The following VRTN variants were observed in gnomAD, a reference collection of about 807,000 sequenced individuals.
The protein encoded by VRTN is vertebrae development associated, also known as vertnin.
In VRTN, 5 loss-of-function variants were observed where a neutral mutation model predicts 18.2. The observed-to-expected ratio is 0.27, with a 90% CI of 0.14 to 0.58. The LOEUF (loss-of-function observed/expected upper bound fraction) is 0.58, where lower values mean the gene tolerates loss of function less well. Among genes scored for constraint, VRTN ranks in the 20% least tolerant of loss-of-function variants. The pLI, the probability that VRTN is intolerant of heterozygous loss-of-function variation, is 0.91. For missense variants in VRTN, 741 were observed against 939.4 expected (o/e 0.79, Z 2.76); for synonymous variants, 381 against 393.7 (o/e 0.97, Z 0.38).
rs1474503251 is a variant in VRTN at position 74,357,921 on chromosome 14, G to C, written c.1138G>C (p.Glu380Gln). ...GMEELEKLPEEQVAEEELECS... is the reference protein window; with the variant it reads ...GMEELEKLPEQQVAEEELECS... ...GGAGGAGCTAGAGAAGCTGCCGGAG[G>C]AGCAGGTGGCTGAGGAGGAGCTGGA... The change falls in exon 2 of 2, where the codon GAG becomes CAG. Residue 380 changes from glutamate (E) to glutamine (Q), a missense_variant. Glu to Gln is a conservative substitution (Grantham distance 29). This residue lies in a region of VRTN where 494 missense variants were observed against 546.5 expected (regional missense o/e 0.90). Transcript: ENST00000256362. This position sits in a 1 kb window ranked among gnomAD's most constrained non-coding sequence, Gnocchi z 7.8. The C allele has an allele frequency of 6.2e-7, 1 of 1,614,092 alleles. No homozygotes were observed. The highest frequency in any genetic ancestry group is 8.5e-7 in the Non-Finnish European group (1 of 1,180,048).
At chr14:74,310,371 T>C (rs2085379569) in intron 1 of VRTN, among the ~76,000 whole-genome samples, 1 of 130,084 alleles carries the variant, frequency 7.7e-6, no homozygotes, top group South Asian at 2.4e-4. Flanking sequence ...CACTCCAGCC[T>C]GGGCAACAAA....
At position 74,331,219 on chromosome 14, in the gene VRTN, T is replaced by C. The variant is rs112098000; in HGVS notation, c.-163-6504T>C. Among the ~76,000 whole-genome samples, 1,031 of 144,146 alleles carry C rather than the reference T, an allele frequency of 7.2e-3. 11 individuals are homozygous for C. Among genetic ancestry groups the C allele is most frequent in the African/African-American group, 0.022 (869 of 39,486 alleles). The allele number at this position is 144,146 out of a possible 152,430, so 94.6% of individuals were successfully genotyped here. On this transcript the variant is annotated intron_variant, in intron 1 of 2. Coordinates refer to the VRTN transcript ENST00000557177. ...TCCGTCTCAAAAATAAATAAATAAA[T>C]AAACAAACAAACAAACCACAAGTCT...
intron 1 of VRTN, among the ~76,000 whole-genome samples, chr14:74,320,249 C>CT (rs71115982): frequency 0.079 from 5,742 of 72,794 alleles, 1,469 homozygotes; most frequent in East Asian, 0.4. Flanking sequence ...GATCCCATCC[C>CT]TTTTTTTTTT....
intron 2 of VRTN, among the ~76,000 whole-genome samples, chr14:74,341,182 A>T (rs1472946360): frequency 6.6e-6 from 1 of 152,226 alleles, no homozygotes; most frequent in East Asian, 1.9e-4. Context: ...TGAGCATTTC[A>T]TTATTAGACC....
At chr14:74,347,668 C>T (rs897354642), upstream of VRTN, among the ~76,000 whole-genome samples, 8 of 152,244 alleles carry the variant, frequency 5.3e-5, no homozygotes, top group Non-Finnish European at 1.0e-4. Context: ...CTGAGGCCTT[C>T]ACCTCCCCCA....
At chr14:74,342,008 C>A (rs1188508071) in intron 2 of VRTN, among the ~76,000 whole-genome samples, 1 of 152,072 alleles carries the variant, frequency 6.6e-6, no homozygotes, top group Non-Finnish European at 1.5e-5. Context: ...GACATCTCAT[C>A]TTGACAGTTT....
At chr14:74,332,261 G>GCTTTCA (rs1418760894) in intron 1 of VRTN, among the ~76,000 whole-genome samples, 1 of 147,880 alleles carries the variant, frequency 6.8e-6, no homozygotes, top group Non-Finnish European at 1.5e-5. Context: ...TGCTTACCTG[G>GCTTTCA]CTTTCACACC....
chr14:74,353,006 T>G (rs2085696781), intron 1 of VRTN, among the ~76,000 whole-genome samples: 1 of 152,064 alleles, frequency 6.6e-6, no homozygotes, highest in Admixed American at 6.6e-5. Flanking sequence ...AAAGAGCATC[T>G]GGGGCCAGGC....
In VRTN at chr14:74,358,606, C is replaced by T; in HGVS notation, c.1823C>T (p.Ala608Val). Residue 608 changes from alanine to valine, a missense_variant, in exon 2 of 2, where the codon GCC becomes GTC. By Grantham distance (64) the Ala-to-Val change is moderately conservative (BLOSUM62 0). This residue lies in a region of VRTN where 494 missense variants were observed against 546.5 expected (regional missense o/e 0.90). Transcript: ENST00000256362. The surrounding 1 kb of genome is among the most constrained non-coding windows in gnomAD (Gnocchi z 5.4). ...GAGGGAGGGCCTTCCAGAGAGGGGG[C>T]CCTGCAGGAGGGGGCCACAGCCCAG... ...DVEGGPSREGALQEGATAQGQ... is the reference protein window; with the variant it reads ...DVEGGPSREGVLQEGATAQGQ... 6.3e-7 allele frequency: 1 copy of T among 1,599,600 alleles called. No individual in the cohort carries two copies. The highest frequency in any genetic ancestry group is 2.2e-5 in the East Asian group (1 of 44,764).
At chr14:74,316,915 G>A (rs1327768352) in intron 1 of VRTN, among the ~76,000 whole-genome samples, 5 of 152,058 alleles carry the variant, frequency 3.3e-5, no homozygotes, top group African/African-American at 1.2e-4. Flanking sequence ...GGGATTACAG[G>A]TGTGAGTCAC....
At chr14:74,356,697 A>G in intron 1 of VRTN, 86 bp from the exon 2 acceptor site, 1 of 1,466,296 alleles carries the variant, frequency 6.8e-7, no homozygotes, top group Non-Finnish European at 9.0e-7. Context: ...TTTGGGAGAA[A>G]GTGCAGGAGT....
intron 1 of VRTN, among the ~76,000 whole-genome samples, chr14:74,331,364 C>T (rs1010999647): frequency 3.3e-5 from 5 of 150,102 alleles, no homozygotes; most frequent in Non-Finnish European, 5.9e-5. Context: ...TCTGTCTCTA[C>T]TAAAAACAGA....
intron 1 of VRTN, among the ~76,000 whole-genome samples, chr14:74,350,732 C>T (rs187644343): frequency 2.0e-5 from 3 of 152,222 alleles, no homozygotes; most frequent in African/African-American, 2.4e-5. Flanking sequence ...GGTGTGAACT[C>T]GGACTAGGGA....
At chr14:74,338,031 C>T (rs1164659067) in intron 2 of VRTN, 6 of 152,048 alleles carry the variant, frequency 3.9e-5, no homozygotes, top group African/African-American at 1.4e-4. Flanking sequence ...AAATGAACTC[C>T]TGATCCAAAA....
intron 1 of VRTN, among the ~76,000 whole-genome samples, chr14:74,306,960 C>T (rs2085356565): frequency 1.3e-5 from 2 of 151,862 alleles, no homozygotes; most frequent in Admixed American, 6.6e-5. Flanking sequence ...AAATATTGTC[C>T]TCCAAGCTAT....
rs2085525372 is a variant in VRTN, at chr14:74,331,547, TATATA to T, written c.-163-6175_-163-6171del. Among the ~76,000 whole-genome samples the T allele has an allele frequency of 1.9e-4, 5 of 26,726 alleles. No homozygotes were observed. The South Asian group carries it at 4.7e-3, about 25-fold the overall frequency. 17.5% of individuals were successfully genotyped at this position (26,726 alleles called of 152,430 possible). A position where few individuals can be genotyped will look rare whatever the true frequency, so the allele number is the denominator to read the frequency against. ...TCCATCTCAAAAAAAAAAAATTTTA[TATATA>T]TATATATATATATATATATATATAT... On this transcript the variant is annotated intron_variant, in intron 1 of 2. Coordinates refer to the VRTN transcript ENST00000557177.
At chr14:74,338,053 G>A (rs768776802) in intron 2 of VRTN, among the ~76,000 whole-genome samples, 2 of 151,998 alleles carry the variant, frequency 1.3e-5, no homozygotes, top group Non-Finnish European at 2.9e-5. Context: ...GTATCACATT[G>A]TGCCATATAT....
chr14:74,358,037 G>T lies in VRTN; in HGVS notation c.1254G>T (p.Leu418=). Residue 418 remains leucine (L), a synonymous_variant, in exon 2 of 2, where the codon CTG becomes CTT. Coordinates refer to ENST00000256362, the MANE Select transcript of VRTN (RefSeq NM_018228.3). This position sits in a 1 kb window ranked among gnomAD's most constrained non-coding sequence, Gnocchi z 5.4. ...YLEHCISLNT[L]VPYRCFKRRF... is the part of the protein sequence containing the mutation. Reference sequence around the variant, plus strand: ...AGCATTGCATCTCCCTGAACACACTGGTACCCTATCGCTGCTTCAAACGCA... The same window carrying T: ...AGCATTGCATCTCCCTGAACACACTTGTACCCTATCGCTGCTTCAAACGCA... The T allele has an allele frequency of 6.2e-7, 1 of 1,614,224 alleles. No homozygotes were observed. The highest frequency in any genetic ancestry group is 1.1e-5 in the South Asian group (1 of 91,086).
chr14:74,324,010 G>T (rs1482613670), intron 1 of VRTN, among the ~76,000 whole-genome samples: 1 of 152,096 alleles, frequency 6.6e-6, no homozygotes, highest in African/African-American at 2.4e-5. Context: ...GGAGAAATTT[G>T]ATCTTTCCTT....
Sources: gnomAD v4.1 joint callset for allele counts (sites outside exome capture counted in the v4.1 genomes callset) on GRCh38, gnomAD v4.1.1 for gene constraint, gnomAD v4.1.1 regional missense constraint, Gnocchi (gnomAD v3.1) non-coding constraint, MANE v1.5 for transcripts, NCBI Gene and HGNC (gene_info 2026-07-23, HGNC 2026-07-21) for gene names.